The following ANKFN1 variants were observed in gnomAD, a reference collection of about 807,000 sequenced individuals.
ANKFN1 encodes the protein ankyrin repeat and fibronectin type III domain containing 1, also known as ankyrin repeat and fibronectin type-III domain-containing protein 1.
A neutral mutation model predicts 108.7 loss-of-function variants in ANKFN1; 74 were observed. The observed-to-expected ratio is 0.68, with a 90% CI of 0.56 to 0.83. The LOEUF (loss-of-function observed/expected upper bound fraction) is 0.83. Among genes scored for constraint, ANKFN1 ranks in the 40% least tolerant of loss-of-function variants. The pLI, the probability that ANKFN1 is intolerant of heterozygous loss-of-function variation, is 0.00. For synonymous variants in ANKFN1, 547 were observed against 516.2 expected (o/e 1.06, Z -0.81); for missense variants, 1,505 against 1,382.3 (o/e 1.09, Z -1.41).
At chr17:56,257,759 G>A (rs1279618383) in intron 3 of ANKFN1, among the ~76,000 whole-genome samples, 7 of 152,126 alleles carry the variant, frequency 4.6e-5, no homozygotes, top group Admixed American at 2.6e-4. Flanking sequence ...TGACACCCTC[G>A]ATCTAGAAAA....
intron 18 of ANKFN1, among the ~76,000 whole-genome samples, chr17:56,484,004 A>G (rs2050785368): frequency 6.6e-6 from 1 of 152,236 alleles, no homozygotes; most frequent in Non-Finnish European, 1.5e-5. Flanking sequence ...CAAAGAAGAT[A>G]TGAGAAAGCC....
chr17:56,260,757 CTGTT>C (rs774549973), intron 3 of ANKFN1, among the ~76,000 whole-genome samples: 4 of 152,202 alleles, frequency 2.6e-5, no homozygotes, highest in Non-Finnish European at 5.9e-5. Context: ...AGAAGCATGG[CTGTT>C]TGGGTGATCA....
At position 56,511,045 on chromosome 17, in the gene ANKFN1, C is replaced by T. The variant is rs1344619705; in HGVS notation, c.3217C>T (p.Pro1073Ser). The change falls in exon 21 of 21, where the codon CCT becomes TCT. Residue 1073 changes from proline (P) to serine (S), a missense_variant. By Grantham distance (74) the Pro-to-Ser change is moderately conservative. Coordinates refer to ENST00000682825, the MANE Select transcript of ANKFN1 (RefSeq NM_001370326.1). The stretch of plus-strand genomic sequence containing the variant: ...AACTCTGGCCCACGCTGCCAGCCTT[C>T]CTGAGGAGCGGAACAGCAGTCTCCA... Reference protein sequence around the residue: ...GLTLAHAASLPEERNSSLQDA... With the variant: ...GLTLAHAASLSEERNSSLQDA... 1.3e-6 allele frequency: 2 copies of T among 1,535,884 alleles called. No individual in the cohort carries two copies. The highest frequency in any genetic ancestry group is 8.7e-7 in the Non-Finnish European group (1 of 1,146,878).
intron 18 of ANKFN1, among the ~76,000 whole-genome samples, chr17:56,488,597 C>A (rs777241669): frequency 6.6e-6 from 1 of 152,200 alleles, no homozygotes. Context: ...CCCTAATACC[C>A]ATTTTACATG....
At chr17:56,433,167 T>C (rs1048174740) in intron 8 of ANKFN1, among the ~76,000 whole-genome samples, 2 of 152,170 alleles carry the variant, frequency 1.3e-5, no homozygotes, top group African/African-American at 2.4e-5. Flanking sequence ...CACCCATTGA[T>C]TCTATCAAAA....
chr17:56,150,032 T>C (rs1908503570), upstream of ANKFN1, among the ~76,000 whole-genome samples: 1 of 152,350 alleles, frequency 6.6e-6, no homozygotes, highest in Middle Eastern at 3.4e-3. Context: ...CTGAGTAGCA[T>C]GTTGACATTT....
intron 3 of ANKFN1, among the ~76,000 whole-genome samples, chr17:56,235,591 C>T (rs1567855137): frequency 6.6e-6 from 1 of 152,152 alleles, no homozygotes; most frequent in African/African-American, 2.4e-5. Flanking sequence ...GTTACCCCAG[C>T]ACCATTTCTT....
intron 4 of ANKFN1, among the ~76,000 whole-genome samples, chr17:56,134,578 G>A (rs1459535107): frequency 6.6e-6 from 1 of 152,070 alleles, no homozygotes; most frequent in Admixed American, 6.6e-5. Context: ...CCAAATATTA[G>A]AACTAAAGAT....
At chr17:56,364,701 C>G (rs1464175161) in intron 6 of ANKFN1, among the ~76,000 whole-genome samples, 1 of 152,184 alleles carries the variant, frequency 6.6e-6, no homozygotes, top group Non-Finnish European at 1.5e-5. Context: ...GTTCTGGCTT[C>G]TTAAGAAATC....
In ANKFN1 at chr17:56,492,209, G is replaced by T. The variant is rs1463947426; in HGVS notation, c.2283G>T (p.Glu761Asp). ...FELVHFCSYREKFISLYCRLS... is the reference protein window; with the variant it reads ...FELVHFCSYRDKFISLYCRLS... ...CAGTTCATTTTTGCAGCTACAGAGA[G>T]AAATTTATTAGTCTGTATTGCCGCC... Residue 761 changes from glutamate (E) to aspartate (D), a missense_variant, in exon 19 of 21, where the codon GAG (glutamate) becomes GAT (aspartate). Physicochemically the swap from Glu to Asp is conservative, Grantham distance 45. Coordinates refer to ENST00000682825, the MANE Select transcript of ANKFN1 (RefSeq NM_001370326.1). The T allele has an allele frequency of 2.9e-6, 2 of 701,060 alleles. No individual in the cohort carries two copies. Among genetic ancestry groups the T allele is most frequent in the Non-Finnish European group, 5.2e-6 (2 of 383,686 alleles). 43.4% of individuals were successfully genotyped at this position (701,060 alleles called of 1,614,324 possible). A position where few individuals can be genotyped will look rare whatever the true frequency, so the allele number is the denominator to read the frequency against.
intron 8 of ANKFN1, among the ~76,000 whole-genome samples, chr17:56,390,204 C>T (rs531808139): frequency 1.3e-5 from 2 of 151,966 alleles, no homozygotes; most frequent in South Asian, 2.1e-4. Context: ...CCTTGCCCCC[C>T]ACCCCTTGAC....
At chr17:56,121,942 G>A (rs927993597) in intron 4 of ANKFN1, among the ~76,000 whole-genome samples, 3 of 152,184 alleles carry the variant, frequency 2.0e-5, no homozygotes, top group African/African-American at 7.2e-5. Flanking sequence ...TTTTAGGGTA[G>A]CAGGGGTTGC....
chr17:56,351,166 C>T (rs2046238070), intron 5 of ANKFN1, among the ~76,000 whole-genome samples, 199 bp downstream of exon 5: 1 of 151,920 alleles, frequency 6.6e-6, no homozygotes, highest in Non-Finnish European at 1.5e-5. Context: ...AGCTGTTTCT[C>T]TTTCTTTTTG....
At chr17:56,126,177 A>T (rs188673575) in intron 4 of ANKFN1, among the ~76,000 whole-genome samples, 5 of 152,224 alleles carry the variant, frequency 3.3e-5, no homozygotes, top group African/African-American at 1.2e-4. Flanking sequence ...AAAGTCAAAT[A>T]CCACATTCAG....
chr17:56,400,594 T>G (rs1314189179), intron 8 of ANKFN1, among the ~76,000 whole-genome samples: 1 of 152,196 alleles, frequency 6.6e-6, no homozygotes, highest in Non-Finnish European at 1.5e-5. Flanking sequence ...AAAGTTTAAT[T>G]AGGTCCCAGC....
At chr17:56,082,382 T>C (rs1030630467) in intron 4 of ANKFN1, among the ~76,000 whole-genome samples, 6 of 152,050 alleles carry the variant, frequency 3.9e-5, no homozygotes, top group Non-Finnish European at 7.4e-5. Context: ...CGGGCTCTAT[T>C]GTCAGATGGT....
At chr17:56,355,565 A>G (rs1457648011) in intron 6 of ANKFN1, among the ~76,000 whole-genome samples, 1 of 152,204 alleles carries the variant, frequency 6.6e-6, no homozygotes, top group Non-Finnish European at 1.5e-5. Flanking sequence ...TACGATGGGA[A>G]GGCAGTGGAG....
At chr17:56,410,519 T>C (rs2048060782) in intron 8 of ANKFN1, among the ~76,000 whole-genome samples, 1 of 152,204 alleles carries the variant, frequency 6.6e-6, no homozygotes, top group African/African-American at 2.4e-5. Flanking sequence ...CCTCACCAAC[T>C]TATTGTTTTG....
intron 7 of ANKFN1, 65 bp from the exon 8 acceptor site, chr17:56,374,536 G>A: frequency 8.4e-7 from 1 of 1,187,400 alleles, no homozygotes; most frequent in Non-Finnish European, 1.2e-6. Context: ...CCTTTGAAGA[G>A]GGAGGAACGT....
Sources: allele counts gnomAD v4.1 joint callset (sites outside exome capture counted in the v4.1 genomes callset), GRCh38; gene constraint gnomAD v4.1.1; transcripts MANE v1.5; gene names NCBI Gene and HGNC (gene_info 2026-07-23, HGNC 2026-07-21).